The following CAVIN4 variants were observed in gnomAD, a reference collection of about 807,000 sequenced individuals.
CAVIN4 encodes caveolae associated protein 4.
In CAVIN4, 10 loss-of-function variants were observed where a neutral mutation model predicts 18.6. The ratio of observed to expected loss-of-function variants is 0.54; its 90% CI spans 0.33 to 0.91. CAVIN4 has a LOEUF of 0.91. Ranked by LOEUF, CAVIN4 falls within the 40% of genes least tolerant of loss-of-function variation. CAVIN4 has a pLI of 0.02. For missense variants in CAVIN4, 459 were observed against 440.5 expected (o/e 1.04, Z -0.38); for synonymous variants, 173 against 164.8 (o/e 1.05, Z -0.38).
intron 1 of CAVIN4, among the ~76,000 whole-genome samples, chr9:100,582,652 C>T (rs1280758744): frequency 6.6e-6 from 1 of 152,118 alleles, no homozygotes; most frequent in African/African-American, 2.4e-5. Flanking sequence ...CTCCTTGAAA[C>T]TTCTTTCCTC....
Position 100,586,548 on chromosome 9 carries a change from A to G in CAVIN4, c.*97A>G, listed in dbSNP as rs1839482987. ...ACATTTCTGTGCCATGTAGGAAAAC[A>G]TAAATGTATTTTTTTTCTTATATTT... On this transcript the variant is annotated 3_prime_UTR_variant, in exon 2 of 2. Coordinates refer to ENST00000307584, the MANE Select transcript of CAVIN4 (RefSeq NM_001018116.2). 2.4e-6 allele frequency: 2 copies of G among 820,816 alleles called. No individual in the cohort carries two copies. The highest frequency in any genetic ancestry group is 4.0e-5 in the South Asian group (2 of 49,508). The allele number at this position is 820,816 out of a possible 1,614,324, so 50.8% of individuals were successfully genotyped here.
rs1348281636 is a variant in CAVIN4, at chr9:100,578,491, A to C, written c.348A>C (p.Lys116Asn). Residue 116 changes from lysine to asparagine, a missense_variant, in exon 1 of 2, where the codon AAA becomes AAC. Transcript: ENST00000307584. ...AGAAGCAACAAATTCATGTTAAAAA[A>C]GTTGAAGTCAAGCAAGAGGAAATAA... Reference protein sequence around the residue: ...RVEKQQIHVKKVEVKQEEIMK... With the variant: ...RVEKQQIHVKNVEVKQEEIMK... The C allele has an allele frequency of 6.2e-7, 1 of 1,613,950 alleles. No individual in the cohort carries two copies. The highest frequency in any genetic ancestry group is 1.7e-4 in the Middle Eastern group (1 of 6,060).
chr9:100,578,292 G>A lies in CAVIN4; in HGVS notation c.149G>A (p.Ser50Asn), dbSNP rs560877170. 49 of 1,614,126 alleles carry A rather than the reference G, an allele frequency of 3.0e-5. No individual in the cohort carries two copies. The East Asian group carries it at 6.2e-4, about 21-fold the overall frequency. The change falls in exon 1 of 2, where the codon AGC becomes AAC. Residue 50 changes from serine (S) to asparagine (N), a missense_variant. Coordinates refer to ENST00000307584, the MANE Select transcript of CAVIN4 (RefSeq NM_001018116.2). ...VASIVDSVQA[S>N]QKRIEERHRE... The stretch of plus-strand genomic sequence containing the variant: ...TCCATCGTGGACAGTGTGCAGGCAA[G>A]CCAGAAGAGAATAGAAGAGAGACAC...
At position 100,586,387 on chromosome 9, in the gene CAVIN4, T is replaced by C; in HGVS notation, c.1031T>C (p.Phe344Ser). ...IPTPEPLKVTFKSQVKVEDDE... is the reference protein window; with the variant it reads ...IPTPEPLKVTSKSQVKVEDDE... The stretch of plus-strand genomic sequence containing the variant: ...ACCCCCGAGCCTTTAAAAGTTACTT[T>C]TAAATCTCAGGTGAAAGTAGAGGAT... The change falls in exon 2 of 2, where the codon TTT becomes TCT. Residue 344 changes from phenylalanine (F) to serine (S), a missense_variant. Coordinates refer to ENST00000307584, the MANE Select transcript of CAVIN4 (RefSeq NM_001018116.2). 6.2e-7 allele frequency: 1 copy of C among 1,614,150 alleles called. No homozygotes were observed. The highest frequency in any genetic ancestry group is 1.1e-5 in the South Asian group (1 of 91,086).
chr9:100,586,036 C>A lies in CAVIN4; in HGVS notation c.680C>A (p.Thr227Asn). Residue 227 changes from threonine (T) to asparagine (N), a missense_variant, in exon 2 of 2, where the codon ACC (threonine) becomes AAC (asparagine). By Grantham distance (65) the Thr-to-Asn change is moderately conservative. Transcript: ENST00000307584. ...AACAGAATTAGAACTAGAATAGTGA[C>A]CCCGGAGAGGAGAGAGAGGCTAAGG... Reference protein sequence around the residue: ...KVNRIRTRIVTPERRERLRQS... With the variant: ...KVNRIRTRIVNPERRERLRQS... The A allele has an allele frequency of 5.6e-6, 9 of 1,614,088 alleles. No homozygotes were observed. The highest frequency in any genetic ancestry group is 7.6e-6 in the Non-Finnish European group (9 of 1,180,018).
rs1839481739 is a variant in CAVIN4, at chr9:100,586,449, T to C, written c.1093T>C (p.Ter365GlnextTer17). ...SLLLDLKHSS[*>Q] is the part of the protein sequence containing the mutation. Reference sequence around the variant, plus strand: ...TTTGTTAGATTTAAAGCACTCATCGTAAAGAGGAATTAAGTATATCCTAAA... The same window carrying C: ...TTTGTTAGATTTAAAGCACTCATCGCAAAGAGGAATTAAGTATATCCTAAA... The change falls in exon 2 of 2, where the codon TAA becomes CAA. Residue 365 changes from the stop codon to glutamine, a stop_lost. Transcript: ENST00000307584. The C allele has an allele frequency of 1.9e-6, 3 of 1,611,304 alleles. No homozygotes were observed. Among genetic ancestry groups the C allele is most frequent in the Non-Finnish European group, 2.5e-6 (3 of 1,179,070 alleles).
intron 1 of CAVIN4, among the ~76,000 whole-genome samples, chr9:100,583,284 C>G (rs1008318890): frequency 1.2e-4 from 19 of 152,286 alleles, no homozygotes; most frequent in Admixed American, 1.2e-3. Context: ...TCCTTCCCCT[C>G]CAGTCTCTTC....
chr9:100,577,127 TG>T (rs1415991371), upstream of CAVIN4: 3 of 152,656 alleles, frequency 2.0e-5, no homozygotes, highest in Non-Finnish European at 4.4e-5. Context: ...ATATATGGAC[TG>T]GGGAATTTGA....
chr9:100,578,338 A>G lies in CAVIN4; in HGVS notation c.195A>G (p.Ile65Met). ...GACACAGGGAAATGGAAAATGCCATAAAATCCGTCCAGATTGACCTGTTGA... is the reference window on the plus strand; with the variant it reads ...GACACAGGGAAATGGAAAATGCCATGAAATCCGTCCAGATTGACCTGTTGA... ...EERHREMENA[I>M]KSVQIDLLKL... Residue 65 changes from isoleucine (I) to methionine (M), a missense_variant, in exon 1 of 2, where the codon ATA becomes ATG. Transcript: ENST00000307584. The G allele has an allele frequency of 6.2e-7, 1 of 1,614,152 alleles. No individual in the cohort carries two copies. Among genetic ancestry groups the G allele is most frequent in the Non-Finnish European group, 8.5e-7 (1 of 1,179,990 alleles).
chr9:100,577,937 G>GTT, upstream of CAVIN4: 1 of 524,588 alleles, frequency 1.9e-6, no homozygotes, highest in East Asian at 3.3e-5. Context: ...CAGCAAGCAT[G>GTT]TTTGGAACAG....
chr9:100,578,450 G>A lies in CAVIN4; in HGVS notation c.307G>A (p.Val103Met), dbSNP rs1181833104. The change falls in exon 1 of 2, where the codon GTG becomes ATG. Residue 103 changes from valine (V) to methionine (M), a missense_variant. By Grantham distance (21) the Val-to-Met change is conservative. Transcript: ENST00000307584. Reference sequence around the variant, plus strand: ...AAAAGTTAGTGCTCACATTAAAGATGTGAAAGCCCGGGTGGAGAAGCAACA... The same window carrying A: ...AAAAGTTAGTGCTCACATTAAAGATATGAAAGCCCGGGTGGAGAAGCAACA... ...TRKVSAHIKD[V>M]KARVEKQQIH... 9.3e-6 allele frequency: 15 copies of A among 1,614,078 alleles called. No individual in the cohort carries two copies. In the East Asian group the frequency reaches 3.3e-4, roughly 36 times the overall value.
chr9:100,582,512 C>T (rs528498800), intron 1 of CAVIN4, among the ~76,000 whole-genome samples: 47 of 152,220 alleles, frequency 3.1e-4, no homozygotes, highest in Middle Eastern at 6.8e-3. Context: ...TGCCTGGCTA[C>T]ACTTTAAAAT....
At chr9:100,578,753 T>G (rs1839398420) in intron 1 of CAVIN4, among the ~76,000 whole-genome samples, 1 of 152,218 alleles carries the variant, frequency 6.6e-6, no homozygotes, top group African/African-American at 2.4e-5. Flanking sequence ...ATTTTGAGCT[T>G]CTCAACCATT....
At chr9:100,585,448 C>T (rs1246520433) in intron 1 of CAVIN4, among the ~76,000 whole-genome samples, 1 of 152,172 alleles carries the variant, frequency 6.6e-6, no homozygotes, top group Non-Finnish European at 1.5e-5. Context: ...TGTGTAACCT[C>T]AAACTGTGGA....
At position 100,587,719 on chromosome 9, in the gene CAVIN4, C is replaced by G. The variant is rs1190149355; in HGVS notation, c.*1268C>G. ...ACCAGCCTGACCAACATGGCGAAAC[C>G]CTGACTCTACTGAAAATACAAAAAT... On this transcript the variant is annotated 3_prime_UTR_variant, in exon 2 of 2. Coordinates refer to ENST00000307584, the MANE Select transcript of CAVIN4 (RefSeq NM_001018116.2). The G allele has an allele frequency of 6.6e-6, 1 of 152,182 alleles. No individual in the cohort carries two copies. Among genetic ancestry groups the G allele is most frequent in the Non-Finnish European group, 1.5e-5 (1 of 68,112 alleles). 9.4% of individuals were successfully genotyped at this position (152,182 alleles called of 1,614,324 possible).
Position 100,585,792 on chromosome 9 carries a change from T to C in CAVIN4, c.436T>C (p.Ser146Pro). 1 of 1,614,118 alleles carries C rather than the reference T, an allele frequency of 6.2e-7. No homozygotes were observed. The highest frequency in any genetic ancestry group is 1.1e-5 in the South Asian group (1 of 91,086). The change falls in exon 2 of 2, where the codon TCT becomes CCT. Residue 146 changes from serine to proline, a missense_variant. Ser to Pro is a moderately conservative substitution (Grantham distance 74). Transcript: ENST00000307584. ...QEKFRCPTSL[S>P]VVKDRNLTEN... ...GAAGTTTCGGTGTCCGACATCCCTG[T>C]CTGTTGTTAAAGACAGAAACCTAAC... is the stretch of plus-strand genomic sequence containing the variant.
Position 100,586,494 on chromosome 9 carries a change from C to A in CAVIN4, c.*43C>A. On this transcript the variant is annotated 3_prime_UTR_variant, in exon 2 of 2. Transcript: ENST00000307584. ...CCTAAATATGAATCTCCTAATCATGCAGTTTTAGTTTGAATAGTGTAGTCG... is the reference window on the plus strand; with the variant it reads ...CCTAAATATGAATCTCCTAATCATGAAGTTTTAGTTTGAATAGTGTAGTCG... The A allele has an allele frequency of 6.5e-7, 1 of 1,536,688 alleles. No homozygotes were observed. Among genetic ancestry groups the A allele is most frequent in the Non-Finnish European group, 8.9e-7 (1 of 1,118,326 alleles).
At position 100,578,081 on chromosome 9, in the gene CAVIN4, C is replaced by T. The variant is rs1839384621; in HGVS notation, c.-63C>T. ...ACCCTGTTGCCTGTTATCAAGCTGACTTTTTGCTCCAAGTGCCAGAATTGA... is the reference window on the plus strand; with the variant it reads ...ACCCTGTTGCCTGTTATCAAGCTGATTTTTTGCTCCAAGTGCCAGAATTGA... On this transcript the variant is annotated 5_prime_UTR_variant, in exon 1 of 2. Coordinates refer to ENST00000307584, the MANE Select transcript of CAVIN4 (RefSeq NM_001018116.2). The T allele has an allele frequency of 1.3e-6, 2 of 1,582,928 alleles. No individual in the cohort carries two copies. The highest frequency in any genetic ancestry group is 1.7e-5 in the Admixed American group (1 of 59,806).
chr9:100,580,858 C>T (rs2483624), intron 1 of CAVIN4, among the ~76,000 whole-genome samples: 38,781 of 152,104 alleles, frequency 0.25, 6,338 homozygotes, highest in Admixed American at 0.39. Context: ...GGACATAGAA[C>T]TCTGATTCAA....
Sources: allele counts gnomAD v4.1 joint callset (sites outside exome capture counted in the v4.1 genomes callset), GRCh38; gene constraint gnomAD v4.1.1; transcripts MANE v1.5; gene names NCBI Gene and HGNC (gene_info 2026-07-23, HGNC 2026-07-21).